ADAM10: variants seen among roughly 807,000 people sequenced by gnomAD.
ADAM10 encodes ADAM metallopeptidase domain 10.
ADAM10 carries 17 observed loss-of-function variants against 90.1 expected under a neutral mutation model. That is an observed-to-expected ratio of 0.19 (90% confidence interval 0.13 to 0.28). The LOEUF is 0.28. Ranked by LOEUF, ADAM10 falls within the 10% of genes least tolerant of loss-of-function variation. The probability of loss-of-function intolerance (pLI) is 1.00; values close to 1 mark genes in which losing one functional copy is unlikely to be tolerated. For missense variants in ADAM10, 610 were observed against 914.3 expected (o/e 0.67, Z 4.29); for synonymous variants, 310 against 298.6 (o/e 1.04, Z -0.40).
At chr15:58,678,398 A>G (rs1897343629) in intron 4 of ADAM10, among the ~76,000 whole-genome samples, 1 of 152,172 alleles carries the variant, frequency 6.6e-6, no homozygotes, top group South Asian at 2.1e-4. Flanking sequence ...CTGCCAAGTT[A>G]GGAAAGCAGG....
At chr15:58,698,576 A>C (rs1898045521) in intron 2 of ADAM10, among the ~76,000 whole-genome samples, 1 of 26,936 alleles carries the variant, frequency 3.7e-5, no homozygotes, top group South Asian at 6.6e-4. Flanking sequence ...ACCTTGTCTC[A>C]AAAAAAAAAA....
At position 58,595,956 on chromosome 15, in the gene ADAM10, G is replaced by T. The variant is rs934349292; in HGVS notation, c.*1591C>A. The T allele has an allele frequency of 6.6e-6, 1 of 151,934 alleles. No individual in the cohort carries two copies. Among genetic ancestry groups the T allele is most frequent in the Non-Finnish European group, 1.5e-5 (1 of 67,938 alleles). 9.4% of individuals were successfully genotyped at this position (151,934 alleles called of 1,614,324 possible). On this transcript the variant is annotated 3_prime_UTR_variant, in exon 16 of 16. Coordinates refer to ENST00000260408, the MANE Select transcript of ADAM10 (RefSeq NM_001110.4). ...TTTGTCTCTAAATCATGTACAAAAA[G>T]CTGTATTTTGAAAAAGTCACCACAT...
intron 1 of ADAM10, among the ~76,000 whole-genome samples, chr15:58,728,096 C>T (rs1459925466): frequency 6.6e-6 from 1 of 152,104 alleles, no homozygotes; most frequent in Non-Finnish European, 1.5e-5. Flanking sequence ...AATCCTAGGC[C>T]ACAAAGCACG....
intron 2 of ADAM10, among the ~76,000 whole-genome samples, chr15:58,688,849 A>C (rs868812219): frequency 2.0e-4 from 30 of 148,894 alleles, no homozygotes; most frequent in African/African-American, 7.1e-4. Context: ...AATATCAGCG[A>C]ACTTGAAGAC....
chr15:58,633,184 G>A lies in ADAM10; in HGVS notation c.1176+12C>T. ...TAAGTATTTTTTAAGCTAATAATTAGACAATACTTACTGGGGATCCAAAGT... is the reference window on the plus strand; with the variant it reads ...TAAGTATTTTTTAAGCTAATAATTAAACAATACTTACTGGGGATCCAAAGT... On this transcript the variant is annotated intron_variant, in intron 9 of 15. Transcript: ENST00000260408. 6.2e-7 allele frequency: 1 copy of A among 1,602,084 alleles called. No homozygotes were observed. The highest frequency in any genetic ancestry group is 8.6e-7 in the Non-Finnish European group (1 of 1,169,498).
At chr15:58,613,152 T>G (rs1272817527) in intron 11 of ADAM10, among the ~76,000 whole-genome samples, 1 of 152,186 alleles carries the variant, frequency 6.6e-6, no homozygotes, top group Non-Finnish European at 1.5e-5. Context: ...CACAAACTTC[T>G]ACAGCACAGA....
chr15:58,695,617 C>T (rs1897954342), intron 2 of ADAM10, among the ~76,000 whole-genome samples: 1 of 151,586 alleles, frequency 6.6e-6, no homozygotes, highest in Admixed American at 6.6e-5. Flanking sequence ...AAATTGAGGG[C>T]AAAAGCTACA....
chr15:58,717,521 TAACTTA>T, intron 2 of ADAM10, 50 bp downstream of exon 2: 1 of 1,607,016 alleles, frequency 6.2e-7, no homozygotes, highest in Non-Finnish European at 8.5e-7. Context: ...ATCTCCTCTT[TAACTTA>T]GATTGAATAT....
At position 58,621,457 on chromosome 15, in the gene ADAM10, A is replaced by C. The variant is rs763581474; in HGVS notation, c.1511+14T>G. ...TTTACAAGAATGTTAACATCACTGA[A>C]ATTAGCAAGGTACCTGCACTGTTTC... On this transcript the variant is annotated intron_variant, in intron 11 of 15. Transcript: ENST00000260408. 5 of 1,613,818 alleles carry C rather than the reference A, an allele frequency of 3.1e-6. No individual in the cohort carries two copies. The African/African-American group carries it at 6.7e-5, about 22-fold the overall frequency.
intron 2 of ADAM10, among the ~76,000 whole-genome samples, chr15:58,711,258 C>T (rs1898464679): frequency 6.6e-6 from 1 of 152,072 alleles, no homozygotes; most frequent in African/African-American, 2.4e-5. Flanking sequence ...AAAATCATTT[C>T]TGATGTATGG....
chr15:58,677,588 A>G (rs1171731980), intron 4 of ADAM10, among the ~76,000 whole-genome samples: 1 of 152,198 alleles, frequency 6.6e-6, no homozygotes, highest in African/African-American at 2.4e-5. Context: ...GGAAAACATG[A>G]GAGAGGCACA....
intron 5 of ADAM10, among the ~76,000 whole-genome samples, chr15:58,659,456 T>C (rs541104042): frequency 6.6e-6 from 1 of 152,144 alleles, no homozygotes; most frequent in Non-Finnish European, 1.5e-5. Flanking sequence ...TTTTTACTAG[T>C]CTACTGAGAT....
intron 1 of ADAM10, among the ~76,000 whole-genome samples, chr15:58,725,508 C>A (rs992405254): frequency 8.6e-5 from 13 of 151,202 alleles, no homozygotes; most frequent in Admixed American, 8.6e-4. Context: ...ATCACAACAG[C>A]CTCAGCAACA....
intron 2 of ADAM10, chr15:58,698,439 A>G (rs565300199): frequency 4.3e-4 from 136 of 318,554 alleles, no homozygotes; most frequent in African/African-American, 2.9e-3. Context: ...AGCCCAGCAT[A>G]TTGGCGTGAA....
intron 11 of ADAM10, among the ~76,000 whole-genome samples, chr15:58,614,873 T>C (rs1397616333): frequency 2.6e-5 from 4 of 152,068 alleles, no homozygotes; most frequent in Admixed American, 6.5e-5. Context: ...CACTGTGATA[T>C]ACAAATGAGA....
At chr15:58,677,742 A>T (rs1441251822) in intron 4 of ADAM10, among the ~76,000 whole-genome samples, 3 of 152,196 alleles carry the variant, frequency 2.0e-5, no homozygotes, top group Non-Finnish European at 2.9e-5. Context: ...TCATTCCTCA[A>T]AAGGTTTTCT....
chr15:58,610,855 C>A, intron 13 of ADAM10, 144 bp downstream of exon 13: 1 of 710,660 alleles, frequency 1.4e-6, no homozygotes, highest in South Asian at 1.6e-5. Flanking sequence ...CACAATGCTA[C>A]GTTACATTTA....
At chr15:58,608,368 T>G (rs1391228704) in intron 14 of ADAM10, among the ~76,000 whole-genome samples, 2 of 152,188 alleles carry the variant, frequency 1.3e-5, no homozygotes, top group Admixed American at 6.6e-5. Flanking sequence ...GGCACTTCCC[T>G]AACATGATAA....
chr15:58,613,119 C>A (rs1595990538), intron 11 of ADAM10, among the ~76,000 whole-genome samples: 1 of 152,196 alleles, frequency 6.6e-6, no homozygotes, highest in Non-Finnish European at 1.5e-5. Context: ...ACATTAACAA[C>A]CTACACCACC....
Sources: gnomAD v4.1 joint callset for allele counts (sites outside exome capture counted in the v4.1 genomes callset) on GRCh38, gnomAD v4.1.1 for gene constraint, MANE v1.5 for transcripts, NCBI Gene and HGNC (gene_info 2026-07-23, HGNC 2026-07-21) for gene names.